The following COL25A1 variants were observed in gnomAD, a reference collection of about 807,000 sequenced individuals.
The protein encoded by COL25A1 is collagen type XXV alpha 1 chain, also known as collagen alpha-1(XXV) chain.
A neutral mutation model predicts 128.4 loss-of-function variants in COL25A1; 103 were observed. The ratio of observed to expected loss-of-function variants is 0.80; its 90% CI spans 0.68 to 0.94. The LOEUF (loss-of-function observed/expected upper bound fraction) is 0.94, where lower values mean the gene tolerates loss of function less well. Ranked by LOEUF, COL25A1 falls within the 40% of genes least tolerant of loss-of-function variation. The pLI is 0.00. For synonymous variants in COL25A1, 279 were observed against 277.2 expected (o/e 1.01, Z -0.06); for missense variants, 745 against 840.0 (o/e 0.89, Z 1.40).
At chr4:108,905,732 G>A (rs114902746) in intron 13 of COL25A1, among the ~76,000 whole-genome samples, 38 of 151,890 alleles carry the variant, frequency 2.5e-4, no homozygotes, top group African/African-American at 8.5e-4. Context: ...ACCAAGGAAG[G>A]AGTACTATCA....
At chr4:109,222,355 C>A (rs917155030) in intron 3 of COL25A1, among the ~76,000 whole-genome samples, 1 of 151,940 alleles carries the variant, frequency 6.6e-6, no homozygotes, top group Non-Finnish European at 1.5e-5. Flanking sequence ...AGCCACAGCG[C>A]CTGGCCAACT....
At chr4:108,897,159 A>G (rs1742242782) in intron 15 of COL25A1, among the ~76,000 whole-genome samples, 1 of 152,124 alleles carries the variant, frequency 6.6e-6, no homozygotes, top group South Asian at 2.1e-4. Context: ...CCTGTCTTCA[A>G]GCATATCTCA....
At chr4:108,829,746 T>G (rs185451412) in intron 32 of COL25A1, among the ~76,000 whole-genome samples, 1 of 152,246 alleles carries the variant, frequency 6.6e-6, no homozygotes, top group Admixed American at 6.5e-5. Flanking sequence ...CCCCAAAAAT[T>G]ACTTAAGCTA....
chr4:109,109,223 G>C (rs1377563055), intron 3 of COL25A1, among the ~76,000 whole-genome samples: 1 of 152,060 alleles, frequency 6.6e-6, no homozygotes, highest in East Asian at 1.9e-4. Context: ...CAAATAGCTG[G>C]GATTACAGAT....
intron 3 of COL25A1, among the ~76,000 whole-genome samples, chr4:109,216,291 AAG>A (rs2126203610): frequency 6.6e-6 from 1 of 151,372 alleles, no homozygotes; most frequent in Admixed American, 6.6e-5. Context: ...GGAAGGAAGG[AAG>A]GAAGGACGGA....
chr4:108,930,536 A>G (rs1007725855), intron 11 of COL25A1, among the ~76,000 whole-genome samples: 2 of 152,184 alleles, frequency 1.3e-5, no homozygotes, highest in Non-Finnish European at 2.9e-5. Context: ...GGGTATTTTG[A>G]GGGGGATAGA....
intron 3 of COL25A1, among the ~76,000 whole-genome samples, chr4:109,151,010 T>C (rs1473875219): frequency 6.6e-6 from 1 of 152,116 alleles, no homozygotes; most frequent in Admixed American, 6.6e-5. Flanking sequence ...AATTAATTAG[T>C]TATAACCTGC....
chr4:109,242,251 A>C (rs1779942492), intron 3 of COL25A1, among the ~76,000 whole-genome samples: 1 of 152,102 alleles, frequency 6.6e-6, no homozygotes, highest in South Asian at 2.1e-4. Context: ...AGAAACAGTC[A>C]ATTCCACTAA....
At chr4:109,242,541 C>A (rs1462276530) in intron 3 of COL25A1, among the ~76,000 whole-genome samples, 1 of 152,048 alleles carries the variant, frequency 6.6e-6, no homozygotes, top group Non-Finnish European at 1.5e-5. Flanking sequence ...ATGGTATAAT[C>A]CCAGGAGACC....
At chr4:109,248,596 A>T (rs184203231) in intron 3 of COL25A1, among the ~76,000 whole-genome samples, 1 of 152,188 alleles carries the variant, frequency 6.6e-6, no homozygotes, top group Non-Finnish European at 1.5e-5. Context: ...ATAAGCATCC[A>T]TCTATCTCCA....
chr4:108,885,297 C>G (rs1740645569), intron 18 of COL25A1, among the ~76,000 whole-genome samples: 2 of 152,148 alleles, frequency 1.3e-5, no homozygotes, highest in South Asian at 4.1e-4. Context: ...AATTATGAAG[C>G]ACCATAGTTT....
At chr4:108,886,672 C>T (rs1740867941) in intron 18 of COL25A1, among the ~76,000 whole-genome samples, 2 of 151,982 alleles carry the variant, frequency 1.3e-5, no homozygotes. Context: ...GATGCACAAC[C>T]CAAAATCTGG....
chr4:109,151,019 G>A (rs919957190), intron 3 of COL25A1, among the ~76,000 whole-genome samples: 1 of 151,916 alleles, frequency 6.6e-6, no homozygotes, highest in Non-Finnish European at 1.5e-5. Context: ...GTTATAACCT[G>A]CAAAAAAGAG....
At chr4:108,992,288 G>A (rs28734824) in intron 6 of COL25A1, among the ~76,000 whole-genome samples, 120,680 of 151,738 alleles carry the variant, frequency 0.8, 49,145 homozygotes, top group East Asian at 1. Flanking sequence ...TGGTCTTAGT[G>A]TTGAAGGCCA....
At chr4:108,913,223 C>CA (rs978965963) in intron 13 of COL25A1, among the ~76,000 whole-genome samples, 1 of 133,094 alleles carries the variant, frequency 7.5e-6, no homozygotes, top group Admixed American at 8.5e-5. Flanking sequence ...TTAAGAGGAG[C>CA]AAAAAATGGG....
intron 6 of COL25A1, among the ~76,000 whole-genome samples, chr4:108,988,452 AC>A (rs1753855842): frequency 6.6e-6 from 1 of 152,208 alleles, no homozygotes. Context: ...TTTTGGGGTG[AC>A]TACAATTTCT....
At chr4:109,112,511 AACAGT>A (rs5860971) in intron 3 of COL25A1, among the ~76,000 whole-genome samples, 74,350 of 143,318 alleles carry the variant, frequency 0.52, 20,829 homozygotes, top group Non-Finnish European at 0.67. Context: ...AGAAAAAAAA[AACAGT>A]GTTTCTATTC....
chr4:109,192,866 A>G (rs1371291362), intron 3 of COL25A1, among the ~76,000 whole-genome samples: 1 of 152,054 alleles, frequency 6.6e-6, no homozygotes, highest in Non-Finnish European at 1.5e-5. Context: ...AATTAAAAAA[A>G]AAAAAGAAAA....
At chr4:109,260,241 G>A (rs1781350569) in intron 3 of COL25A1, among the ~76,000 whole-genome samples, 1 of 152,166 alleles carries the variant, frequency 6.6e-6, no homozygotes, top group South Asian at 2.1e-4. Flanking sequence ...AGCAAGAGAA[G>A]AAGTATTCTC....
Sources: allele counts gnomAD v4.1 joint callset (sites outside exome capture counted in the v4.1 genomes callset), GRCh38; gene constraint gnomAD v4.1.1; transcripts MANE v1.5; gene names NCBI Gene and HGNC (gene_info 2026-07-23, HGNC 2026-07-21).